Variants in BIRC2 observed in about 807,000 individuals in gnomAD.
The protein encoded by BIRC2 is baculoviral IAP repeat containing 2.
In BIRC2, 18 loss-of-function variants were observed where a neutral mutation model predicts 60.9. The observed-to-expected ratio is 0.30, with a 90% CI of 0.20 to 0.44. The LOEUF is 0.44. BIRC2 is among the 20% of genes least tolerant of loss of function. BIRC2 has a pLI of 1.00. For synonymous variants in BIRC2, 282 were observed against 247.7 expected (o/e 1.14, Z -1.30); for missense variants, 701 against 728.5 (o/e 0.96, Z 0.43).
chr11:102,366,927 C>T (rs1951559362), intron 5 of BIRC2, among the ~76,000 whole-genome samples: 1 of 152,200 alleles, frequency 6.6e-6, no homozygotes, highest in Non-Finnish European at 1.5e-5. Context: ...CCTTCTACCA[C>T]CTTCTTTCTG....
intron 3 of BIRC2, among the ~76,000 whole-genome samples, chr11:102,351,310 T>G (rs1328786795): frequency 6.6e-6 from 1 of 152,140 alleles, no homozygotes; most frequent in African/African-American, 2.4e-5. Flanking sequence ...AATGTAAAAG[T>G]CCATGTATTA....
At chr11:102,354,793 TG>T (rs1331523026) in intron 3 of BIRC2, among the ~76,000 whole-genome samples, 1 of 152,144 alleles carries the variant, frequency 6.6e-6, no homozygotes, top group Non-Finnish European at 1.5e-5. Flanking sequence ...TCATTACAGG[TG>T]GGAGGTGATA....
chr11:102,363,998 T>G (rs1251579219), intron 5 of BIRC2, among the ~76,000 whole-genome samples: 34 of 151,018 alleles, frequency 2.3e-4, no homozygotes, highest in Non-Finnish European at 3.1e-4. Flanking sequence ...TGCAGTGAAC[T>G]GAGATTATGC....
chr11:102,356,680 ATT>A (rs759616402), intron 3 of BIRC2, among the ~76,000 whole-genome samples: 43 of 134,562 alleles, frequency 3.2e-4, no homozygotes, highest in African/African-American at 8.2e-4. Flanking sequence ...ATTATTATTA[ATT>A]TTTTTTTTTT....
intron 3 of BIRC2, among the ~76,000 whole-genome samples, chr11:102,353,514 C>G (rs931285410): frequency 6.6e-6 from 1 of 151,726 alleles, no homozygotes; most frequent in African/African-American, 2.4e-5. Flanking sequence ...GACGCAGTTT[C>G]GCTATGTTGG....
chr11:102,369,800 A>G (rs200709572), intron 6 of BIRC2, among the ~76,000 whole-genome samples: 2,440 of 138,908 alleles, frequency 0.018, 9 homozygotes, highest in Middle Eastern at 0.025. Flanking sequence ...AAGTGTTCCT[A>G]TTTCTCCACA....
In BIRC2 at chr11:102,378,206, C is replaced by A; in HGVS notation, c.*23C>A. 1 of 1,529,384 alleles carries A rather than the reference C, an allele frequency of 6.5e-7. No individual in the cohort carries two copies. The highest frequency in any genetic ancestry group is 8.8e-7 in the Non-Finnish European group (1 of 1,137,994). The allele number at this position is 1,529,384 out of a possible 1,614,324, so 94.7% of individuals were successfully genotyped here. ...TAAAGAAAAATAGTCTATATTTTAA[C>A]CTGCATAAAAAGGTCTTTAAAATAT... is the stretch of plus-strand genomic sequence containing the variant. On this transcript the variant is annotated 3_prime_UTR_variant, in exon 9 of 9. Coordinates refer to ENST00000227758, the MANE Select transcript of BIRC2 (RefSeq NM_001166.5).
chr11:102,370,016 G>GT (rs1951609385), intron 6 of BIRC2, among the ~76,000 whole-genome samples: 1 of 152,136 alleles, frequency 6.6e-6, no homozygotes, highest in Non-Finnish European at 1.5e-5. Flanking sequence ...GGGGTTGTTT[G>GT]TTTTTGTCTT....
intron 3 of BIRC2, among the ~76,000 whole-genome samples, chr11:102,357,990 C>G (rs1951442862): frequency 6.6e-6 from 1 of 151,740 alleles, no homozygotes; most frequent in South Asian, 2.1e-4. Context: ...CTTCTTTGAC[C>G]CATTGATTAT....
In BIRC2 at chr11:102,349,316, A is replaced by G. The variant is rs1464333046; in HGVS notation, c.-539A>G. 1 of 152,418 alleles carries G rather than the reference A, an allele frequency of 6.6e-6. No homozygotes were observed. The highest frequency in any genetic ancestry group is 1.9e-4 in the East Asian group (1 of 5,208). The allele number at this position is 152,418 out of a possible 1,614,324, so 9.4% of individuals were successfully genotyped here. ...ATAGTGTGACCATATGAAGGTTTTA[A>G]TTACTTTTGTTTATTGGAATAAAAT... On this transcript the variant is annotated 5_prime_UTR_variant, in exon 2 of 9. Transcript: ENST00000227758.
chr11:102,354,944 GTTTT>G (rs61520984), intron 3 of BIRC2, among the ~76,000 whole-genome samples: 2 of 89,654 alleles, frequency 2.2e-5, no homozygotes, highest in Non-Finnish European at 4.5e-5. Flanking sequence ...AATTATTTGG[GTTTT>G]TTTTTTTTTT....
chr11:102,350,946 A>T lies in BIRC2; in HGVS notation c.995+3A>T. 1 of 1,611,974 alleles carries T rather than the reference A, an allele frequency of 6.2e-7. No homozygotes were observed. The highest frequency in any genetic ancestry group is 8.5e-7 in the Non-Finnish European group (1 of 1,179,108). The stretch of plus-strand genomic sequence containing the variant: ...GAACATGCCAAGTGGTTTCCAAGGT[A>T]ATTGTTTTGAAAAAGGTATTTGTAC... On this transcript the variant is annotated splice_donor_region_variant and intron_variant, in intron 3 of 8. Transcript: ENST00000227758.
Position 102,377,531 on chromosome 11 carries a change from C to G in BIRC2, c.1402C>G (p.Leu468Val), listed in dbSNP as rs780263765. 10 of 1,600,458 alleles carry G rather than the reference C, an allele frequency of 6.2e-6. No individual in the cohort carries two copies. The highest frequency in any genetic ancestry group is 4.6e-5 in the South Asian group (4 of 87,724). The change falls in exon 7 of 9, where the codon CTC (leucine) becomes GTC (valine). Residue 468 changes from leucine to valine, a missense_variant. Around this residue, in one of 4 missense-constraint regions of BIRC2, gnomAD observed 235 missense variants for 208.9 expected, o/e 1.12. Transcript: ENST00000227758. ...LSLIRKNRMA[L>V]FQQLTCVLPI... ...ATTAATTCGGAAGAACAGAATGGCTCTCTTTCAACAATTGACATGTGTGCT... is the reference window on the plus strand; with the variant it reads ...ATTAATTCGGAAGAACAGAATGGCTGTCTTTCAACAATTGACATGTGTGCT...
chr11:102,351,614 CAAAAAAAAAAA>C (rs768269523), intron 3 of BIRC2, among the ~76,000 whole-genome samples: 6 of 68,610 alleles, frequency 8.7e-5, no homozygotes, highest in South Asian at 1.4e-3. Flanking sequence ...GACTCTGTCT[CAAAAAAAAAAA>C]AAAAAAAAAA....
chr11:102,364,167 A>ATATATATATATATATATATATG (rs1951521691), intron 5 of BIRC2, among the ~76,000 whole-genome samples: 3 of 94,178 alleles, frequency 3.2e-5, no homozygotes, highest in African/African-American at 1.6e-4. Context: ...ATATATATAT[A>ATATATATATATATATATATATG]TATATATACA....
At chr11:102,375,119 C>T (rs1260981051) in intron 6 of BIRC2, among the ~76,000 whole-genome samples, 1 of 152,222 alleles carries the variant, frequency 6.6e-6, no homozygotes, top group Non-Finnish European at 1.5e-5. Context: ...GCAGAAATCA[C>T]CCGTCTTGTG....
At position 102,361,668 on chromosome 11, in the gene BIRC2, A is replaced by C. The variant is rs569015418; in HGVS notation, c.996-1228A>C. On this transcript the variant is annotated intron_variant, in intron 3 of 8. Transcript: ENST00000227758. The stretch of plus-strand genomic sequence containing the variant: ...CTGTGGCTATCTTGAGGGTTATTGG[A>C]GGTCTCCAGGGACCTGCTCTGGGGA... Among the ~76,000 whole-genome samples, 138 of 152,108 alleles carry C rather than the reference A, an allele frequency of 9.1e-4. 1 individual carries two copies. Among genetic ancestry groups the C allele is most frequent in the African/African-American group, 3.3e-3 (136 of 41,466 alleles).
intron 3 of BIRC2, among the ~76,000 whole-genome samples, chr11:102,360,784 G>GTTTTTTTTTTTTGTTTTTTTTTTTT (rs200030086): frequency 7.7e-6 from 1 of 129,346 alleles, no homozygotes; most frequent in African/African-American, 2.9e-5. Context: ...TGTTTTTTTT[G>GTTTTTTTTTTTTGTTTTTTTTTTTT]TTTTTTTTTT....
At position 102,364,304 on chromosome 11, in the gene BIRC2, G is replaced by A. The variant is rs12279854; in HGVS notation, c.1123+588G>A. On this transcript the variant is annotated intron_variant, in intron 5 of 8. Transcript: ENST00000227758. Reference sequence around the variant, plus strand: ...ACTTTTAGTGCTGACATTCCAACTGGAGAAATGAGACATAAGCAAAAGAAA... The same window carrying A: ...ACTTTTAGTGCTGACATTCCAACTGAAGAAATGAGACATAAGCAAAAGAAA... 6.2e-3 allele frequency among the ~76,000 whole-genome samples: 940 copies of A among 150,666 alleles called. 13 individuals are homozygous for A. Among genetic ancestry groups the A allele is most frequent in the African/African-American group, 0.022 (893 of 40,936 alleles).
Sources: gnomAD v4.1 joint callset for allele counts (sites outside exome capture counted in the v4.1 genomes callset) on GRCh38, gnomAD v4.1.1 for gene constraint, gnomAD v4.1.1 regional missense constraint, MANE v1.5 for transcripts, NCBI Gene and HGNC (gene_info 2026-07-23, HGNC 2026-07-21) for gene names.